The following NSDHL variants were observed in gnomAD, a reference collection of about 807,000 sequenced individuals.
The protein encoded by NSDHL is NAD(P) dependent 3-beta-hydroxysteroid dehydrogenase NSDHL, also known as sterol-4-alpha-carboxylate 3-dehydrogenase, decarboxylating.
A neutral mutation model predicts 23.0 loss-of-function variants in NSDHL; 1 was observed. The observed-to-expected ratio is 0.04, with a 90% CI of 0.02 to 0.21. The LOEUF (loss-of-function observed/expected upper bound fraction) is 0.21, where lower values mean the gene tolerates loss of function less well. NSDHL is among the 10% of genes least tolerant of loss of function. The probability of loss-of-function intolerance (pLI) is 1.00; values close to 1 mark genes in which losing one functional copy is unlikely to be tolerated. For missense variants in NSDHL, 237 were observed against 300.9 expected (o/e 0.79, Z 1.57); for synonymous variants, 128 against 121.1 (o/e 1.06, Z -0.37).
intron 4 of NSDHL, 115 bp downstream of exon 4, chrX:152,859,031 G>T: frequency 1.7e-6 from 1 of 591,400 alleles, no homozygotes; most frequent in Non-Finnish European, 2.7e-6. Context: ...TTCTTAAAGT[G>T]TTGGGAAGAT....
In NSDHL at chrX:152,869,256, C is replaced by T. The variant is rs969279531; in HGVS notation, c.*140C>T. The T allele has an allele frequency of 7.4e-5, 40 of 541,301 alleles. No individual in the cohort carries two copies. The African/African-American group carries it at 8.4e-4, about 11-fold the overall frequency. 44.6% of individuals were successfully genotyped at this position (541,301 alleles called of 1,213,427 possible). The stretch of plus-strand genomic sequence containing the variant: ...TGCTAGGCAGAGAGCGCACCCTACT[C>T]TTTCCGTGACGATGAGGGCGGCAAA... On this transcript the variant is annotated 3_prime_UTR_variant, in exon 8 of 8. Coordinates refer to ENST00000370274, the MANE Select transcript of NSDHL (RefSeq NM_015922.3).
intron 2 of NSDHL, 138 bp from the exon 3 acceptor site, chrX:152,850,127 C>A: frequency 1.6e-6 from 1 of 629,622 alleles, no homozygotes; most frequent in Non-Finnish European, 2.7e-6. Flanking sequence ...TGATATAAAG[C>A]TTCCAACTTG....
intron 1 of NSDHL, among the ~76,000 whole-genome samples, chrX:152,844,350 T>C (rs1337963631): frequency 8.9e-6 from 1 of 111,990 alleles, no homozygotes; most frequent in Admixed American, 9.4e-5. Context: ...GTGGCGTGAT[T>C]TGTGATTTCT....
intron 3 of NSDHL, among the ~76,000 whole-genome samples, chrX:152,855,952 C>T: frequency 8.9e-6 from 1 of 112,673 alleles, no homozygotes; most frequent in East Asian, 2.8e-4. Flanking sequence ...AGGAACCAAG[C>T]AAGATCAAGA....
chrX:152,856,524 A>G (rs1933446698), intron 3 of NSDHL, among the ~76,000 whole-genome samples: 1 of 111,209 alleles, frequency 9.0e-6, no homozygotes, highest in African/African-American at 3.3e-5. Flanking sequence ...GGGTTTCTAT[A>G]TACCATTTCC....
intron 2 of NSDHL, among the ~76,000 whole-genome samples, chrX:152,849,746 T>G (rs113810560): frequency 8.0e-5 from 9 of 112,600 alleles, no homozygotes; most frequent in African/African-American, 2.9e-4. Flanking sequence ...AGCCCAGCCC[T>G]GTTGTGGCCA....
intron 2 of NSDHL, among the ~76,000 whole-genome samples, chrX:152,849,607 C>T (rs781969075): frequency 1.8e-5 from 2 of 112,548 alleles, no homozygotes; most frequent in Non-Finnish European, 3.8e-5. Context: ...CCTTGTAGTT[C>T]GGAGGAGGGA....
chrX:152,869,597 G>C lies in NSDHL; in HGVS notation c.*481G>C, dbSNP rs139200625. On this transcript the variant is annotated 3_prime_UTR_variant, in exon 8 of 8. Coordinates refer to ENST00000370274, the MANE Select transcript of NSDHL (RefSeq NM_015922.3). ...AAAAACAGAAGCTGTTAACACACAGGTGAGACTTTACATATACATTTCATA... is the reference window on the plus strand; with the variant it reads ...AAAAACAGAAGCTGTTAACACACAGCTGAGACTTTACATATACATTTCATA... 2.3e-4 allele frequency: 38 copies of C among 162,123 alleles called. No individual in the cohort carries two copies. The East Asian group carries it at 5.5e-3, about 24-fold the overall frequency. 13.4% of individuals were successfully genotyped at this position (162,123 alleles called of 1,213,427 possible). A position where few individuals can be genotyped will look rare whatever the true frequency, so the allele number is the denominator to read the frequency against.
chrX:152,842,419 T>C (rs1556844982), intron 1 of NSDHL, among the ~76,000 whole-genome samples: 1 of 112,474 alleles, frequency 8.9e-6, no homozygotes, highest in African/African-American at 3.2e-5. Flanking sequence ...ATCCTAATAA[T>C]GGGTGTAAGG....
chrX:152,831,302 C>T (rs1556843388), intron 1 of NSDHL, among the ~76,000 whole-genome samples, 185 bp downstream of exon 1: 2 of 111,731 alleles, frequency 1.8e-5, no homozygotes, highest in East Asian at 5.6e-4. Context: ...AGGGACTGTA[C>T]TCACGGGGCA....
Position 152,841,018 on chromosome X carries a change from C to T in NSDHL, c.-43-5264C>T, listed in dbSNP as rs782256662. Among the ~76,000 whole-genome samples the T allele has an allele frequency of 3.2e-3, 357 of 112,847 alleles. 7 individuals are homozygous for T. The highest frequency in any genetic ancestry group is 0.011 in the African/African-American group (346 of 31,117). On this transcript the variant is annotated intron_variant, in intron 1 of 7. Transcript: ENST00000370274. Reference sequence around the variant, plus strand: ...CTATTCAAGCCTCAGCAATGGCGGACGCCCCTCCCCCTCCAGGCTGCAGCC... The same window carrying T: ...CTATTCAAGCCTCAGCAATGGCGGATGCCCCTCCCCCTCCAGGCTGCAGCC...
intron 1 of NSDHL, among the ~76,000 whole-genome samples, chrX:152,839,731 A>G (rs1556844638): frequency 1.8e-5 from 2 of 111,506 alleles, no homozygotes; most frequent in East Asian, 5.6e-4. Context: ...TGCCCTTTAC[A>G]TTTTTTCCTT....
chrX:152,859,107 A>G (rs1485708911), intron 4 of NSDHL, among the ~76,000 whole-genome samples, 191 bp downstream of exon 4: 1 of 111,916 alleles, frequency 8.9e-6, no homozygotes, highest in Non-Finnish European at 1.9e-5. Context: ...CTGATTTGAG[A>G]TGTAATATTC....
At chrX:152,849,348 C>G (rs1432225676) in intron 2 of NSDHL, among the ~76,000 whole-genome samples, 2 of 111,874 alleles carry the variant, frequency 1.8e-5, no homozygotes, top group African/African-American at 6.5e-5. Context: ...GGCCCAGATA[C>G]AGTTTTAGAA....
At chrX:152,842,559 C>T (rs1409542484) in intron 1 of NSDHL, among the ~76,000 whole-genome samples, 3 of 111,457 alleles carry the variant, frequency 2.7e-5, no homozygotes, top group African/African-American at 3.3e-5. Context: ...AGTGCAATGG[C>T]GGCACCATCT....
At chrX:152,845,263 G>A (rs1385491887) in intron 1 of NSDHL, among the ~76,000 whole-genome samples, 2 of 111,763 alleles carry the variant, frequency 1.8e-5, no homozygotes, top group Non-Finnish European at 3.8e-5. Context: ...AATTCGAGGT[G>A]TGGGGTTGGA....
intron 5 of NSDHL, among the ~76,000 whole-genome samples, chrX:152,864,700 C>T (rs1213405284): frequency 8.9e-6 from 1 of 112,042 alleles, no homozygotes; most frequent in African/African-American, 3.2e-5. Flanking sequence ...GCTAGGACTC[C>T]TTCACCTCTC....
At chrX:152,868,094 G>C (rs1285299501) in intron 7 of NSDHL, among the ~76,000 whole-genome samples, 3 of 108,981 alleles carry the variant, frequency 2.8e-5, no homozygotes, top group Non-Finnish European at 3.8e-5. Flanking sequence ...TTTCCCCACT[G>C]ATAACCTTCA....
intron 7 of NSDHL, 55 bp from the exon 8 acceptor site, chrX:152,868,729 A>T: frequency 9.6e-7 from 1 of 1,042,159 alleles, no homozygotes; most frequent in Non-Finnish European, 1.3e-6. Context: ...AGATGCTTCA[A>T]CTTTGGGCAG....
Sources: allele counts gnomAD v4.1 joint callset (sites outside exome capture counted in the v4.1 genomes callset), GRCh38; gene constraint gnomAD v4.1.1; transcripts MANE v1.5; gene names NCBI Gene and HGNC (gene_info 2026-07-23, HGNC 2026-07-21).